NPAS2: variants seen among roughly 807,000 people sequenced by gnomAD.
NPAS2 encodes neuronal PAS domain protein 2, also known as neuronal PAS domain-containing protein 2.
A neutral mutation model predicts 107.5 loss-of-function variants in NPAS2; 23 were observed. That is an observed-to-expected ratio of 0.21 (90% CI 0.15 to 0.30). The LOEUF is 0.30. Ranked by LOEUF, NPAS2 falls within the 10% of genes least tolerant of loss-of-function variation. NPAS2 has a pLI of 1.00. For missense variants in NPAS2, 756 were observed against 1,043.3 expected, an observed-to-expected ratio of 0.72 and a Z score of 3.79; for synonymous variants, 403 against 417.5, an observed-to-expected ratio of 0.97 and a Z score of 0.42.
At chr2:100,863,962 A>G (rs1679095920) in intron 1 of NPAS2, among the ~76,000 whole-genome samples, 1 of 152,192 alleles carries the variant, frequency 6.6e-6, no homozygotes, top group Non-Finnish European at 1.5e-5. Flanking sequence ...AGCCAAACAC[A>G]ACTCAGCACT....
intron 1 of NPAS2, among the ~76,000 whole-genome samples, chr2:100,833,576 AC>A (rs1245083038): frequency 6.6e-6 from 1 of 152,208 alleles, no homozygotes; most frequent in Non-Finnish European, 1.5e-5. Context: ...TAGAAGCCAA[AC>A]ACTCAGAATG....
chr2:100,833,294 A>G (rs1449368851), intron 1 of NPAS2, among the ~76,000 whole-genome samples: 1 of 152,214 alleles, frequency 6.6e-6, no homozygotes, highest in Non-Finnish European at 1.5e-5. Context: ...AAAGGGAGAT[A>G]TTGATACTCA....
At chr2:100,860,574 C>G (rs1429610110) in intron 1 of NPAS2, among the ~76,000 whole-genome samples, 1 of 152,168 alleles carries the variant, frequency 6.6e-6, no homozygotes, top group Non-Finnish European at 1.5e-5. Flanking sequence ...GTTTCTAATT[C>G]AATCCTCCCT....
At chr2:100,977,953 T>C (rs1677132579) in intron 15 of NPAS2, among the ~76,000 whole-genome samples, 154 bp downstream of exon 15, 1 of 152,148 alleles carries the variant, frequency 6.6e-6, no homozygotes, top group African/African-American at 2.4e-5. Flanking sequence ...AGCCATGAGG[T>C]TCCCCCCACA....
intron 1 of NPAS2, among the ~76,000 whole-genome samples, chr2:100,904,150 A>G (rs748432815): frequency 1.1e-4 from 16 of 151,838 alleles, no homozygotes; most frequent in Non-Finnish European, 2.1e-4. Flanking sequence ...TTGAATGGAC[A>G]GATAAACACT....
chr2:100,938,412 G>A (rs1684471312), intron 5 of NPAS2, among the ~76,000 whole-genome samples: 2 of 152,118 alleles, frequency 1.3e-5, no homozygotes, highest in South Asian at 4.1e-4. Context: ...GACCAGGAGA[G>A]GGTCGGCTTT....
intron 2 of NPAS2, among the ~76,000 whole-genome samples, chr2:100,911,301 G>C (rs1038714995): frequency 3.3e-5 from 5 of 152,078 alleles, no homozygotes; most frequent in African/African-American, 1.2e-4. Flanking sequence ...AAGACCCATT[G>C]ACCAACACTA....
intron 1 of NPAS2, among the ~76,000 whole-genome samples, chr2:100,827,928 C>A (rs1372548552): frequency 1.3e-5 from 2 of 152,158 alleles, no homozygotes; most frequent in African/African-American, 4.8e-5. Context: ...ATAGATACTA[C>A]TATCAGTAGT....
At chr2:100,875,384 CAGTT>C (rs1170177784) in intron 1 of NPAS2, among the ~76,000 whole-genome samples, 1 of 152,006 alleles carries the variant, frequency 6.6e-6, no homozygotes, top group East Asian at 1.9e-4. Context: ...CATTTAAAGA[CAGTT>C]AAAATGGTAA....
intron 1 of NPAS2, among the ~76,000 whole-genome samples, chr2:100,891,049 G>A (rs970778921): frequency 2.0e-4 from 31 of 152,204 alleles, no homozygotes; most frequent in African/African-American, 4.6e-4. Context: ...TGGCTAACAC[G>A]GTGAAACCCC....
chr2:100,962,403 G>T (rs1489858494), intron 7 of NPAS2, among the ~76,000 whole-genome samples: 2 of 152,158 alleles, frequency 1.3e-5, no homozygotes, highest in Non-Finnish European at 2.9e-5. Context: ...TGCTCGATAT[G>T]TTCCTCATTA....
chr2:100,858,669 A>C (rs1678736900), intron 1 of NPAS2, among the ~76,000 whole-genome samples: 1 of 152,174 alleles, frequency 6.6e-6, no homozygotes, highest in Non-Finnish European at 1.5e-5. Flanking sequence ...TTAACGTCAG[A>C]TCTCACAATA....
intron 1 of NPAS2, among the ~76,000 whole-genome samples, chr2:100,826,747 T>C (rs1399651502): frequency 6.6e-6 from 1 of 152,170 alleles, no homozygotes; most frequent in Non-Finnish European, 1.5e-5. Flanking sequence ...GTTTGAAATA[T>C]TGATAGATGC....
rs144494121 is a variant in NPAS2 at position 100,974,862 on chromosome 2, G to A, written c.1200G>A (p.Ser400=). ...TTAACACACTCGACGTGGGTGCCTCGGGCCTTAATACCAGTCATTCGCCAT... is the reference window on the plus strand; with the variant it reads ...TTAACACACTCGACGTGGGTGCCTCAGGCCTTAATACCAGTCATTCGCCAT... ...QHFNTLDVGA[S]GLNTSHSPSA... is the part of the protein sequence containing the mutation. The change falls in exon 13 of 21, where the codon TCG becomes TCA. Residue 400 remains serine, a synonymous_variant. Coordinates refer to ENST00000335681, the MANE Select transcript of NPAS2 (RefSeq NM_002518.4). 1.7e-5 allele frequency: 28 copies of A among 1,613,952 alleles called. 1 individual carries two copies. The highest frequency in any genetic ancestry group is 3.3e-4 in the Middle Eastern group (2 of 6,084).
intron 3 of NPAS2, among the ~76,000 whole-genome samples, chr2:100,928,932 C>G (rs535186272): frequency 1.5e-4 from 23 of 152,160 alleles, no homozygotes; most frequent in Non-Finnish European, 2.4e-4. Context: ...GAGACAGAGT[C>G]TTGGTCTGTC....
chr2:100,895,709 G>A (rs1373156755), intron 1 of NPAS2, among the ~76,000 whole-genome samples: 1 of 152,042 alleles, frequency 6.6e-6, no homozygotes, highest in Non-Finnish European at 1.5e-5. Flanking sequence ...TTACCCCCAT[G>A]CCCCCACTCA....
chr2:100,843,699 A>G (rs1391196648), intron 1 of NPAS2, among the ~76,000 whole-genome samples: 1 of 152,192 alleles, frequency 6.6e-6, no homozygotes, highest in Non-Finnish European at 1.5e-5. Flanking sequence ...TTTCTTGATT[A>G]AGAAAAATTT....
At chr2:100,873,488 T>G (rs895168528) in intron 1 of NPAS2, among the ~76,000 whole-genome samples, 2 of 151,390 alleles carry the variant, frequency 1.3e-5, no homozygotes, top group Non-Finnish European at 2.9e-5. Flanking sequence ...GAGCACTATA[T>G]ATTGTATCCC....
At chr2:100,923,998 G>A (rs1215728640) in intron 2 of NPAS2, among the ~76,000 whole-genome samples, 1 of 152,164 alleles carries the variant, frequency 6.6e-6, no homozygotes, top group African/African-American at 2.4e-5. Context: ...GTGGCTTGGG[G>A]GAGGCCCCTC....
Sources: gnomAD v4.1 joint callset for allele counts (sites outside exome capture counted in the v4.1 genomes callset) on GRCh38, gnomAD v4.1.1 for gene constraint, MANE v1.5 for transcripts, NCBI Gene and HGNC (gene_info 2026-07-23, HGNC 2026-07-21) for gene names.